The following ZNF106 variants were observed in gnomAD, a reference collection of about 807,000 sequenced individuals.
ZNF106 encodes zinc finger protein 106.
In ZNF106, 67 loss-of-function variants were observed where a neutral mutation model predicts 195.1. The ratio of observed to expected loss-of-function variants is 0.34; its 90% CI spans 0.28 to 0.42. The LOEUF (loss-of-function observed/expected upper bound fraction) is 0.42. Among genes scored for constraint, ZNF106 ranks in the 10% least tolerant of loss-of-function variants. The probability of loss-of-function intolerance (pLI) is 1.00; values close to 1 mark genes in which losing one functional copy is unlikely to be tolerated. For missense variants in ZNF106, 2,118 were observed against 2,304.5 expected (o/e 0.92, Z 1.66); for synonymous variants, 784 against 818.6 (o/e 0.96, Z 0.72).
chr15:42,450,269 G>C lies in ZNF106; in HGVS notation c.2003C>G (p.Pro668Arg). The change falls in exon 5 of 22, where the codon CCC becomes CGC. Residue 668 changes from proline to arginine, a missense_variant. Transcript: ENST00000564754. ...SRELSTSPCN[P>R]IVRQKESELQ... The stretch of plus-strand genomic sequence containing the variant: ...TTCAGATTCTTTCTGGCGAACTATG[G>C]GATTACATGGGGAAGTGGATAGCTC... The C allele has an allele frequency of 1.9e-6, 3 of 1,614,152 alleles. No individual in the cohort carries two copies. Among genetic ancestry groups the C allele is most frequent in the Non-Finnish European group, 2.5e-6 (3 of 1,180,026 alleles).
intron 1 of ZNF106, chr15:42,490,419 A>G (rs2141479440): frequency 6.6e-6 from 1 of 152,308 alleles, no homozygotes; most frequent in East Asian, 1.9e-4. Context: ...ATGATTACAC[A>G]ACAAATTGAA....
At position 42,438,592 on chromosome 15, in the gene ZNF106, T is replaced by TA. The variant is rs1567006751; in HGVS notation, c.4600+19dup. 1.2e-6 allele frequency: 2 copies of TA among 1,607,832 alleles called. No individual in the cohort carries two copies. Among genetic ancestry groups the TA allele is most frequent in the Non-Finnish European group, 1.7e-6 (2 of 1,175,406 alleles). ...CTTTTAATTCTGTGGTTAACTTAAA[T>TA]AAAACTGAACAGCAAATACCTGAAG... On this transcript the variant is annotated intron_variant, in intron 12 of 21. Transcript: ENST00000564754.
chr15:42,444,096 A>G, intron 9 of ZNF106, 106 bp downstream of exon 9: 1 of 778,728 alleles, frequency 1.3e-6, no homozygotes, highest in Non-Finnish European at 2.0e-6. Context: ...TGGGAAATAG[A>G]GCAAGACTCT....
At chr15:42,465,336 G>A (rs1024433620) in intron 3 of ZNF106, among the ~76,000 whole-genome samples, 2 of 152,104 alleles carry the variant, frequency 1.3e-5, no homozygotes, top group Admixed American at 6.6e-5. Flanking sequence ...GAGGGCAGTG[G>A]CACAATCACA....
chr15:42,451,370 T>C lies in ZNF106; in HGVS notation c.902A>G (p.Tyr301Cys). ...NKSNKYSHDR[Y>C]NWQRQENDKL... Reference sequence around the variant, plus strand: ...GTCATTTTCTTGCCGCTGCCAATTATATCTGTCGTGACTGTATTTGTTTGA... The same window carrying C: ...GTCATTTTCTTGCCGCTGCCAATTACATCTGTCGTGACTGTATTTGTTTGA... Residue 301 changes from tyrosine (Y) to cysteine (C), a missense_variant, in exon 5 of 22, where the codon TAT becomes TGT. Transcript: ENST00000564754. The C allele has an allele frequency of 6.2e-7, 1 of 1,614,108 alleles. No homozygotes were observed. The highest frequency in any genetic ancestry group is 8.5e-7 in the Non-Finnish European group (1 of 1,179,962).
rs78107169 is a variant in ZNF106, at chr15:42,458,198, A to T, written c.117-1040T>A. Among the ~76,000 whole-genome samples, 1,022 of 151,988 alleles carry T rather than the reference A, an allele frequency of 6.7e-3. 12 individuals are homozygous for T. Among genetic ancestry groups the T allele is most frequent in the African/African-American group, 0.024 (995 of 41,384 alleles). On this transcript the variant is annotated intron_variant, in intron 3 of 21. Transcript: ENST00000564754. ...ATTTTTGCACTTCCTATGCCAATCT[A>T]TTAAAAAAAAAACCAACAACCCAAA...
intron 11 of ZNF106, 26 bp downstream of exon 11, chr15:42,439,006 CT>C (rs2055392474): frequency 6.4e-7 from 1 of 1,557,830 alleles, no homozygotes; most frequent in Non-Finnish European, 8.6e-7. Flanking sequence ...GAAAGTTGTT[CT>C]GACTGGACCA....
intron 2 of ZNF106, among the ~76,000 whole-genome samples, chr15:42,467,040 G>A (rs555971885): frequency 6.6e-6 from 1 of 152,204 alleles, no homozygotes; most frequent in Non-Finnish European, 1.5e-5. Context: ...GGCTGAGGCA[G>A]GAGAATCGCT....
chr15:42,448,043 C>G, intron 6 of ZNF106, 29 bp downstream of exon 6: 5 of 1,566,956 alleles, frequency 3.2e-6, no homozygotes, highest in South Asian at 1.2e-5. Context: ...ATGCGATGTT[C>G]TACAAAAAGC....
intron 20 of ZNF106, among the ~76,000 whole-genome samples, chr15:42,419,445 G>C (rs2054576697): frequency 6.6e-6 from 1 of 152,170 alleles, no homozygotes; most frequent in South Asian, 2.1e-4. Flanking sequence ...GGGAGGCCGA[G>C]GTAGGGTGAT....
Position 42,479,827 on chromosome 15 carries a change from G to C in ZNF106, c.-32-7506C>G, listed in dbSNP as rs1051610679. Among the ~76,000 whole-genome samples, 18 of 152,088 alleles carry C rather than the reference G, an allele frequency of 1.2e-4. No homozygotes were observed. In the East Asian group the frequency reaches 2.5e-3, roughly 21 times the overall value. On this transcript the variant is annotated intron_variant, in intron 1 of 21. Coordinates refer to ENST00000564754, the MANE Select transcript of ZNF106 (RefSeq NM_001366845.3). ...ACTTCATTCCAGCCTCAGCAAAAGG[G>C]CAAAACTCCGTCTCAATAAATAAAT...
chr15:42,438,534 TA>T (rs1252622751), intron 12 of ZNF106, 77 bp downstream of exon 12: 9 of 1,238,556 alleles, frequency 7.3e-6, no homozygotes, highest in African/African-American at 4.5e-5. Flanking sequence ...TATATTTAAG[TA>T]GGTTTAAATC....
intron 17 of ZNF106, among the ~76,000 whole-genome samples, chr15:42,423,532 T>C (rs1336733934): frequency 6.6e-6 from 1 of 151,944 alleles, no homozygotes; most frequent in African/African-American, 2.4e-5. Flanking sequence ...CGCACTGCCA[T>C]GCCCAGCTAA....
intron 3 of ZNF106, among the ~76,000 whole-genome samples, chr15:42,459,996 T>C (rs2056351047): frequency 6.7e-6 from 1 of 149,922 alleles, no homozygotes; most frequent in Non-Finnish European, 1.5e-5. Context: ...TGAGCCAAGA[T>C]CACTCCACTG....
intron 3 of ZNF106, 186 bp from the exon 4 acceptor site, chr15:42,457,344 T>G (rs1866398): frequency 1.5e-5 from 22 of 1,445,700 alleles, no homozygotes; most frequent in East Asian, 4.9e-5. Flanking sequence ...TTTGAAATGA[T>G]TTTAAGATTC....
intron 14 of ZNF106, 150 bp downstream of exon 14, chr15:42,435,234 C>G (rs945857609): frequency 3.7e-6 from 4 of 1,083,092 alleles, no homozygotes; most frequent in Admixed American, 4.5e-5. Context: ...TCATATCTAC[C>G]TAGGGCTACA....
intron 3 of ZNF106, among the ~76,000 whole-genome samples, chr15:42,459,755 TG>T (rs1198159167): frequency 2.0e-5 from 3 of 152,062 alleles, no homozygotes; most frequent in African/African-American, 4.8e-5. Context: ...AAAATCTTTT[TG>T]TTGGCCAGGC....
intron 1 of ZNF106, among the ~76,000 whole-genome samples, chr15:42,474,522 G>A (rs2056746922): frequency 6.6e-6 from 1 of 152,166 alleles, no homozygotes; most frequent in Non-Finnish European, 1.5e-5. Flanking sequence ...ACCTTGGGAG[G>A]CTGAGGTGAT....
chr15:42,489,489 T>A (rs1159731617), intron 1 of ZNF106, among the ~76,000 whole-genome samples: 2 of 151,956 alleles, frequency 1.3e-5, no homozygotes, highest in African/African-American at 4.8e-5. Flanking sequence ...TTCCAGGCCA[T>A]TTTAAAGTTC....
Sources: gnomAD v4.1 joint callset for allele counts (sites outside exome capture counted in the v4.1 genomes callset) on GRCh38, gnomAD v4.1.1 for gene constraint, MANE v1.5 for transcripts, NCBI Gene and HGNC (gene_info 2026-07-23, HGNC 2026-07-21) for gene names.